CTNNA3: variants seen among roughly 807,000 people sequenced by gnomAD.
CTNNA3 encodes catenin alpha 3.
In CTNNA3, 76 loss-of-function variants were observed where a neutral mutation model predicts 95.7. The ratio of observed to expected loss-of-function variants is 0.79; its 90% CI spans 0.66 to 0.96. CTNNA3 has a LOEUF of 0.96. CTNNA3 is among the 40% of genes least tolerant of loss of function. The pLI is 0.00. For synonymous variants in CTNNA3, 431 were observed against 374.4 expected (o/e 1.15, Z -1.74); for missense variants, 1,191 against 1,089.8 (o/e 1.09, Z -1.31).
At chr10:67,490,499 A>C (rs535404296) in intron 5 of CTNNA3, among the ~76,000 whole-genome samples, 1 of 152,302 alleles carries the variant, frequency 6.6e-6, no homozygotes, top group Non-Finnish European at 1.5e-5. Flanking sequence ...GTGAATAAAA[A>C]ATTAACACCA....
Position 65,971,862 on chromosome 10 carries a change from A to T in CTNNA3, c.2266-5116T>A, listed in dbSNP as rs367882095. Among the ~76,000 whole-genome samples the T allele has an allele frequency of 9.9e-5, 15 of 152,218 alleles. 1 individual carries two copies. The South Asian group carries it at 2.7e-3, about 27-fold the overall frequency. ...AACCTGGTAAAGATACAATGAAAAA[A>T]ATCTCTGATACCAATATCTCTGATA... On this transcript the variant is annotated intron_variant, in intron 16 of 17. Transcript: ENST00000433211.
At chr10:66,612,359 T>C (rs1268832965) in intron 10 of CTNNA3, among the ~76,000 whole-genome samples, 1 of 152,130 alleles carries the variant, frequency 6.6e-6, no homozygotes, top group Non-Finnish European at 1.5e-5. Context: ...ATGATGTCAC[T>C]CTCCTACTCA....
At chr10:67,134,216 A>G (rs1434214097) in intron 7 of CTNNA3, among the ~76,000 whole-genome samples, 1 of 152,140 alleles carries the variant, frequency 6.6e-6, no homozygotes, top group South Asian at 2.1e-4. Context: ...CTGAGACTAG[A>G]TGGTGGATGG....
chr10:67,655,087 A>G (rs1839984099), intron 1 of CTNNA3, among the ~76,000 whole-genome samples: 1 of 152,218 alleles, frequency 6.6e-6, no homozygotes, highest in Admixed American at 6.5e-5. Flanking sequence ...AGTACTATAC[A>G]TCATCTCTAT....
At position 67,566,061 on chromosome 10, in the gene CTNNA3, A is replaced by ATATATATATG. The variant is rs1554854517; in HGVS notation, c.293-26393_293-26392insCATATATATA. Among the ~76,000 whole-genome samples the ATATATATATG allele has an allele frequency of 3.2e-5, 3 of 94,282 alleles. 1 individual carries two copies. Among genetic ancestry groups the ATATATATATG allele is most frequent in the African/African-American group, 1.2e-4 (3 of 24,928 alleles). The allele number at this position is 94,282 out of a possible 152,430, so 61.9% of individuals were successfully genotyped here. A position where few individuals can be genotyped will look rare whatever the true frequency, so the allele number is the denominator to read the frequency against. ...TGTGTGTGTATATATATATATATAT[A>ATATATATATG]TATATATATATACAAAACCTAGGCA... On this transcript the variant is annotated intron_variant, in intron 3 of 17. Transcript: ENST00000433211.
chr10:67,404,764 A>C lies in CTNNA3; in HGVS notation c.579+117078T>G, dbSNP rs999413182. Among the ~76,000 whole-genome samples, 4 of 152,304 alleles carry C rather than the reference A, an allele frequency of 2.6e-5. No homozygotes were observed. The East Asian group carries it at 7.7e-4, about 29-fold the overall frequency. On this transcript the variant is annotated intron_variant, in intron 5 of 17. Transcript: ENST00000433211. Reference sequence around the variant, plus strand: ...CGTCCCCAAAACATGTAATCATCAGATCCTCCAAGGTCAAAATGAAATAAA... The same window carrying C: ...CGTCCCCAAAACATGTAATCATCAGCTCCTCCAAGGTCAAAATGAAATAAA...
intron 9 of CTNNA3, among the ~76,000 whole-genome samples, chr10:66,749,933 TG>T (rs1839063062): frequency 6.6e-6 from 1 of 152,220 alleles, no homozygotes; most frequent in Non-Finnish European, 1.5e-5. Flanking sequence ...AATAGTATCT[TG>T]TTGTTTTAGT....
At chr10:67,189,484 CA>C (rs1329711545) in intron 6 of CTNNA3, among the ~76,000 whole-genome samples, 4 of 151,462 alleles carry the variant, frequency 2.6e-5, no homozygotes, top group African/African-American at 9.7e-5. Context: ...GTTCTTACCA[CA>C]AAAAAATAAG....
At chr10:66,889,774 C>T (rs1845190827) in intron 7 of CTNNA3, among the ~76,000 whole-genome samples, 1 of 148,422 alleles carries the variant, frequency 6.7e-6, no homozygotes, top group Non-Finnish European at 1.5e-5. Context: ...TGGGGAAGAT[C>T]AGGGGAACCA....
At chr10:66,706,664 A>T (rs571900882) in intron 9 of CTNNA3, among the ~76,000 whole-genome samples, 20 of 152,084 alleles carry the variant, frequency 1.3e-4, no homozygotes, top group Non-Finnish European at 2.8e-4. Flanking sequence ...TCTTCCTGAT[A>T]ACACTGGTAG....
chr10:66,298,760 C>A (rs2091819756), intron 12 of CTNNA3, among the ~76,000 whole-genome samples: 2 of 152,152 alleles, frequency 1.3e-5, no homozygotes, highest in Non-Finnish European at 2.9e-5. Flanking sequence ...GATTTTGAAT[C>A]TTGAGCTAGT....
At chr10:66,339,970 C>G (rs1029502563) in intron 12 of CTNNA3, among the ~76,000 whole-genome samples, 5 of 151,646 alleles carry the variant, frequency 3.3e-5, no homozygotes, top group Non-Finnish European at 7.4e-5. Context: ...GTGGATGGAG[C>G]CTTGCAGACA....
intron 9 of CTNNA3, among the ~76,000 whole-genome samples, chr10:66,744,221 G>A (rs556540594): frequency 2.6e-5 from 4 of 152,196 alleles, no homozygotes; most frequent in African/African-American, 7.2e-5. Context: ...GAACTGATAT[G>A]ATCAATTTGT....
chr10:67,063,479 A>G (rs995983727), intron 7 of CTNNA3, among the ~76,000 whole-genome samples: 1 of 152,200 alleles, frequency 6.6e-6, no homozygotes, highest in African/African-American at 2.4e-5. Flanking sequence ...CAGGGTCAAG[A>G]GTTCACTCCA....
At chr10:66,367,089 T>G (rs1485980758) in intron 12 of CTNNA3, among the ~76,000 whole-genome samples, 1 of 152,114 alleles carries the variant, frequency 6.6e-6, no homozygotes, top group Non-Finnish European at 1.5e-5. Flanking sequence ...GAGTCCCTTC[T>G]CAGTCACACA....
chr10:67,484,353 T>G (rs1296410259), intron 5 of CTNNA3, among the ~76,000 whole-genome samples: 1 of 152,048 alleles, frequency 6.6e-6, no homozygotes, highest in East Asian at 1.9e-4. Context: ...ATGTAAGACC[T>G]CAAACTATAG....
intron 3 of CTNNA3, among the ~76,000 whole-genome samples, chr10:67,566,043 G>GTATATATATATAATATATATATATA: frequency 3.7e-5 from 1 of 26,964 alleles, no homozygotes; most frequent in Non-Finnish European, 6.3e-5. Flanking sequence ...ATGTGTGTGT[G>GTATATATATATAATATATATATATA]TATATATATA....
At chr10:66,765,871 T>A (rs1839826817) in intron 9 of CTNNA3, among the ~76,000 whole-genome samples, 2 of 152,166 alleles carry the variant, frequency 1.3e-5, no homozygotes, top group South Asian at 2.1e-4. Flanking sequence ...TGTTCTGTAG[T>A]CATGCTACAT....
At chr10:66,529,256 G>A (rs1841374551) in intron 10 of CTNNA3, among the ~76,000 whole-genome samples, 1 of 151,984 alleles carries the variant, frequency 6.6e-6, no homozygotes, top group South Asian at 2.1e-4. Context: ...AGCCTCCTGA[G>A]TAGCTGAGAT....
Sources: gnomAD v4.1 joint callset for allele counts (sites outside exome capture counted in the v4.1 genomes callset) on GRCh38, gnomAD v4.1.1 for gene constraint, MANE v1.5 for transcripts, NCBI Gene and HGNC (gene_info 2026-07-23, HGNC 2026-07-21) for gene names.